Variants in DYNC2H1 observed in about 807,000 individuals in gnomAD.
DYNC2H1 encodes the protein cytoplasmic dynein 2 heavy chain 1.
In DYNC2H1, 410 loss-of-function variants were observed where a neutral mutation model predicts 570.0. The ratio of observed to expected loss-of-function variants is 0.72; its 90% confidence interval spans 0.66 to 0.78. DYNC2H1 has a LOEUF of 0.78. Among genes scored for constraint, DYNC2H1 ranks in the 30% least tolerant of loss-of-function variants. The probability of loss-of-function intolerance (pLI) is 0.00; values close to 1 mark genes in which losing one functional copy is unlikely to be tolerated. For synonymous variants in DYNC2H1, 1,688 were observed against 1,677.6 expected (o/e 1.01, Z -0.15); for missense variants, 4,865 against 5,046.4 (o/e 0.96, Z 1.09).
At chr11:103,447,791 C>T (rs1037483790) in intron 85 of DYNC2H1, among the ~76,000 whole-genome samples, 2 of 151,992 alleles carry the variant, frequency 1.3e-5, no homozygotes, top group Non-Finnish European at 2.9e-5. Flanking sequence ...CTCATTAATT[C>T]GGGTAAAGTT....
At chr11:103,422,995 G>T (rs1565586343) in intron 84 of DYNC2H1, among the ~76,000 whole-genome samples, 1 of 152,090 alleles carries the variant, frequency 6.6e-6, no homozygotes, top group African/African-American at 2.4e-5. Context: ...GTAAGTATTG[G>T]CAATTTGAGT....
intron 47 of DYNC2H1, among the ~76,000 whole-genome samples, chr11:103,194,905 AC>A (rs2135062797): frequency 6.6e-6 from 1 of 151,710 alleles, no homozygotes; most frequent in African/African-American, 2.4e-5. Context: ...TTTAGTAGAG[AC>A]GCGGTTTCAT....
Position 103,189,861 on chromosome 11 carries a change from T to C in DYNC2H1, c.7437+45T>C. 6.6e-7 allele frequency: 1 copy of C among 1,524,696 alleles called. No homozygotes were observed. The highest frequency in any genetic ancestry group is 8.8e-7 in the Non-Finnish European group (1 of 1,139,522). 94.4% of individuals were successfully genotyped at this position (1,524,696 alleles called of 1,614,324 possible). Reference sequence around the variant, plus strand: ...GTAGCTTTCATGTCTATTAGTATCATTTCTAAAGGTCTACTTTTAATTCTG... The same window carrying C: ...GTAGCTTTCATGTCTATTAGTATCACTTCTAAAGGTCTACTTTTAATTCTG... On this transcript the variant is annotated intron_variant, in intron 45 of 88. Coordinates refer to ENST00000375735, the MANE Select transcript of DYNC2H1 (RefSeq NM_001377.3). This position sits in a 1 kb window ranked among gnomAD's most constrained non-coding sequence, Gnocchi z 4.3.
intron 83 of DYNC2H1, among the ~76,000 whole-genome samples, chr11:103,388,950 T>TG (rs1352593200): frequency 3.3e-5 from 5 of 152,120 alleles, no homozygotes; most frequent in Non-Finnish European, 7.4e-5. Flanking sequence ...TCAGGGATAT[T>TG]GTCTAAAATT....
rs560001626 is a variant in DYNC2H1, at chr11:103,270,233, T to C, written c.10696-10115T>C. Among the ~76,000 whole-genome samples, 11 of 147,150 alleles carry C rather than the reference T, an allele frequency of 7.5e-5. No homozygotes were observed. The East Asian group carries it at 2.0e-3, about 26-fold the overall frequency. Reference sequence around the variant, plus strand: ...AATAATAATAATAAAAGAAAGAAAATGGTTGGAAGGAAGGATTGGGAGCAT... The same window carrying C: ...AATAATAATAATAAAAGAAAGAAAACGGTTGGAAGGAAGGATTGGGAGCAT... On this transcript the variant is annotated intron_variant, in intron 70 of 88. Transcript: ENST00000375735.
At chr11:103,436,841 G>A (rs934082210) in intron 85 of DYNC2H1, among the ~76,000 whole-genome samples, 1 of 151,992 alleles carries the variant, frequency 6.6e-6, no homozygotes, top group African/African-American at 2.4e-5. Context: ...GATTCTGGCC[G>A]ATTCAGCCTT....
chr11:103,140,476 A>G (rs190262548), intron 17 of DYNC2H1, among the ~76,000 whole-genome samples: 87 of 152,210 alleles, frequency 5.7e-4, no homozygotes, highest in African/African-American at 2.0e-3. Flanking sequence ...TATGAAGCTT[A>G]GTTTGGCTGG....
rs1858936010 is a variant in DYNC2H1, at chr11:103,125,341, A to G, written c.1857+46A>G. On this transcript the variant is annotated intron_variant, in intron 12 of 88. Transcript: ENST00000375735. ...AATACCTGCCTATTTGGAGTTCATT[A>G]CGTTAAACTAGAATATGCTAAAGGC... 8.3e-6 allele frequency: 11 copies of G among 1,324,400 alleles called. No individual in the cohort carries two copies. In the African/African-American group the frequency reaches 1.4e-4, roughly 16 times the overall value. The allele number at this position is 1,324,400 out of a possible 1,614,324, so 82.0% of individuals were successfully genotyped here.
intron 83 of DYNC2H1, among the ~76,000 whole-genome samples, chr11:103,389,233 G>A (rs1419569334): frequency 6.6e-6 from 1 of 152,068 alleles, no homozygotes; most frequent in African/African-American, 2.4e-5. Flanking sequence ...GTCTTGGGAG[G>A]GTGTATGTGT....
intron 84 of DYNC2H1, among the ~76,000 whole-genome samples, chr11:103,426,732 A>C (rs1053133402): frequency 1.6e-4 from 25 of 152,196 alleles, no homozygotes; most frequent in African/African-American, 5.5e-4. Context: ...AAAATATAAC[A>C]AACTAATGGG....
In DYNC2H1 at chr11:103,344,065, A is replaced by G. The variant is rs116784101; in HGVS notation, c.12040-14178A>G. Among the ~76,000 whole-genome samples, 1,419 of 152,350 alleles carry G rather than the reference A, an allele frequency of 9.3e-3. 15 individuals are homozygous for G. The highest frequency in any genetic ancestry group is 0.025 in the African/African-American group (1,039 of 41,588). On this transcript the variant is annotated intron_variant, in intron 82 of 88. Coordinates refer to ENST00000375735, the MANE Select transcript of DYNC2H1 (RefSeq NM_001377.3). ...GAATCTCTAGAGCAATTTGAGATAA[A>G]CACTGTGAAACTTTGGTGCAGACCC...
chr11:103,332,702 T>G (rs1409032271), intron 82 of DYNC2H1, among the ~76,000 whole-genome samples: 1 of 152,186 alleles, frequency 6.6e-6, no homozygotes, highest in Non-Finnish European at 1.5e-5. Flanking sequence ...TCTTTCAAAA[T>G]GAAGTCAAGT....
chr11:103,259,872 C>A lies in DYNC2H1; in HGVS notation c.10606-16C>A. ...GTTTATAAATTTCCTAATGAATTTCCAATTATAATCTACAGGATTCTGAAA... is the reference window on the plus strand; with the variant it reads ...GTTTATAAATTTCCTAATGAATTTCAAATTATAATCTACAGGATTCTGAAA... On this transcript the variant is annotated splice_polypyrimidine_tract_variant and intron_variant, in intron 69 of 88. Transcript: ENST00000375735. 1 of 1,473,660 alleles carries A rather than the reference C, an allele frequency of 6.8e-7. No individual in the cohort carries two copies. Among genetic ancestry groups the A allele is most frequent in the Admixed American group, 2.3e-5 (1 of 42,660 alleles). The allele number at this position is 1,473,660 out of a possible 1,614,324, so 91.3% of individuals were successfully genotyped here.
At chr11:103,345,327 G>C (rs1263367988) in intron 82 of DYNC2H1, among the ~76,000 whole-genome samples, 1 of 152,068 alleles carries the variant, frequency 6.6e-6, no homozygotes, top group Non-Finnish European at 1.5e-5. Flanking sequence ...AACGTTTGTG[G>C]CTATGTCTCC....
chr11:103,322,563 G>T (rs313395), intron 81 of DYNC2H1, among the ~76,000 whole-genome samples: 3 of 151,742 alleles, frequency 2.0e-5, no homozygotes, highest in Non-Finnish European at 4.4e-5. Context: ...ATTATATCAC[G>T]TGGTATATAT....
At chr11:103,309,370 T>G (rs1591555454) in intron 78 of DYNC2H1, among the ~76,000 whole-genome samples, 1 of 150,214 alleles carries the variant, frequency 6.7e-6, no homozygotes, top group Non-Finnish European at 1.5e-5. Flanking sequence ...TTTTTTTTCT[T>G]TTTTTTGAGA....
intron 59 of DYNC2H1, among the ~76,000 whole-genome samples, chr11:103,226,373 C>T (rs984619889): frequency 6.6e-6 from 1 of 152,052 alleles, no homozygotes. Flanking sequence ...GCTTTTATTA[C>T]CTTAAGGTAT....
intron 75 of DYNC2H1, among the ~76,000 whole-genome samples, chr11:103,301,907 G>A (rs1019197843): frequency 6.6e-6 from 1 of 151,896 alleles, no homozygotes; most frequent in African/African-American, 2.4e-5. Context: ...TCTTGCCCAT[G>A]TACTCATTCA....
intron 83 of DYNC2H1, among the ~76,000 whole-genome samples, chr11:103,385,159 C>A (rs1299349277): frequency 6.6e-6 from 1 of 151,836 alleles, no homozygotes; most frequent in African/African-American, 2.4e-5. Flanking sequence ...CTCTTTAATT[C>A]ATTTTTTTAA....
Sources: gnomAD v4.1 joint callset for allele counts (sites outside exome capture counted in the v4.1 genomes callset) on GRCh38, gnomAD v4.1.1 for gene constraint, Gnocchi (gnomAD v3.1) non-coding constraint, MANE v1.5 for transcripts, NCBI Gene and HGNC (gene_info 2026-07-23, HGNC 2026-07-21) for gene names.